RTRAF: variants seen among roughly 807,000 people sequenced by gnomAD.
The protein encoded by RTRAF is RNA transcription, translation and transport factor.
A neutral mutation model predicts 34.4 loss-of-function variants in RTRAF; 14 were observed. The ratio of observed to expected loss-of-function variants is 0.41; its 90% CI spans 0.27 to 0.64. RTRAF has a LOEUF of 0.64. Ranked by LOEUF, RTRAF falls within the 30% of genes least tolerant of loss-of-function variation. The probability of loss-of-function intolerance (pLI) is 0.34; values close to 1 mark genes in which losing one functional copy is unlikely to be tolerated. For synonymous variants in RTRAF, 96 were observed against 95.3 expected (o/e 1.01, Z -0.04); for missense variants, 291 against 288.4 (o/e 1.01, Z -0.06).
chr14:51,993,597 G>C, intron 2 of RTRAF, 126 bp from the exon 3 acceptor site: 1 of 619,868 alleles, frequency 1.6e-6, no homozygotes, highest in Non-Finnish European at 2.8e-6. Context: ...TGCATCAAAA[G>C]TGTAGTAATG....
chr14:52,003,663 C>CTGTT (rs147137125), intron 6 of RTRAF, among the ~76,000 whole-genome samples: 18 of 152,082 alleles, frequency 1.2e-4, no homozygotes, highest in East Asian at 5.8e-4. Context: ...TTTTCCTAGA[C>CTGTT]TGTTTGTTTC....
In RTRAF at chr14:52,008,165, A is replaced by T; in HGVS notation, c.*3649A>T. On this transcript the variant is annotated 3_prime_UTR_variant, in exon 8 of 8. Coordinates refer to ENST00000261700, the MANE Select transcript of RTRAF (RefSeq NM_016039.3). ...GAAGTGATAGGCTATCACTGCCGAT[A>T]TTCGGTCTCAAAAAACTGGTTTCTG... The T allele has an allele frequency of 2.2e-6, 1 of 464,658 alleles. No individual in the cohort carries two copies. Among genetic ancestry groups the T allele is most frequent in the Non-Finnish European group, 3.8e-6 (1 of 265,854 alleles). The allele number at this position is 464,658 out of a possible 1,614,324, so 28.8% of individuals were successfully genotyped here. A position where few individuals can be genotyped will look rare whatever the true frequency, so the allele number is the denominator to read the frequency against.
chr14:51,990,474 G>A (rs747304605), intron 1 of RTRAF, among the ~76,000 whole-genome samples: 1 of 152,206 alleles, frequency 6.6e-6, no homozygotes, highest in Non-Finnish European at 1.5e-5. Context: ...TCAGACCACT[G>A]TGTAATTCTC....
rs1287363411 is a variant in RTRAF at position 52,009,796 on chromosome 14, G to A, written c.*5280G>A. ...GGATCACCCAGGGTCAGGAGTTGGAGACCAAAATGGCGAAACCCTGTCTCG... is the reference window on the plus strand; with the variant it reads ...GGATCACCCAGGGTCAGGAGTTGGAAACCAAAATGGCGAAACCCTGTCTCG... On this transcript the variant is annotated 3_prime_UTR_variant, in exon 8 of 8. Transcript: ENST00000261700. The A allele has an allele frequency of 1.3e-5, 2 of 152,310 alleles. No homozygotes were observed. The highest frequency in any genetic ancestry group is 3.9e-4 in the East Asian group (2 of 5,176). 9.4% of individuals were successfully genotyped at this position (152,310 alleles called of 1,614,324 possible).
Position 52,007,954 on chromosome 14 carries a change from T to C in RTRAF, c.*3438T>C. On this transcript the variant is annotated 3_prime_UTR_variant, in exon 8 of 8. Coordinates refer to ENST00000261700, the MANE Select transcript of RTRAF (RefSeq NM_016039.3). ...TTAGGAGCTTCTCTATTCCAGTCTG[T>C]CCAGTACAAGTTGCTGTAAGTTAAA... 6.2e-7 allele frequency: 1 copy of C among 1,603,820 alleles called. No homozygotes were observed. Among genetic ancestry groups the C allele is most frequent in the African/African-American group, 1.3e-5 (1 of 74,214 alleles).
chr14:51,999,487 G>A (rs1890569504), intron 4 of RTRAF: 1 of 399,806 alleles, frequency 2.5e-6, no homozygotes, highest in Non-Finnish European at 4.5e-6. Flanking sequence ...CTAAGTTGGG[G>A]ACCGTCTCAT....
At chr14:51,999,604 T>A (rs769728826) in intron 4 of RTRAF, 104 bp from the exon 5 acceptor site, 11 of 692,758 alleles carry the variant, frequency 1.6e-5, no homozygotes, top group Non-Finnish European at 2.6e-5. Context: ...CTAAGAGATT[T>A]GTTGCTACCG....
In RTRAF at chr14:52,004,634, G is replaced by GTTCTAGAGATTT; in HGVS notation, c.*119_*130dup. 2 of 982,442 alleles carry GTTCTAGAGATTT rather than the reference G, an allele frequency of 2.0e-6. No homozygotes were observed. Among genetic ancestry groups the GTTCTAGAGATTT allele is most frequent in the Non-Finnish European group, 2.9e-6 (2 of 678,664 alleles). 60.9% of individuals were successfully genotyped at this position (982,442 alleles called of 1,614,324 possible). A position where few individuals can be genotyped will look rare whatever the true frequency, so the allele number is the denominator to read the frequency against. On this transcript the variant is annotated 3_prime_UTR_variant, in exon 8 of 8. Coordinates refer to ENST00000261700, the MANE Select transcript of RTRAF (RefSeq NM_016039.3). The stretch of plus-strand genomic sequence containing the variant: ...GGAGGAAGCCCAGAAAATTGGGTAT[G>GTTCTAGAGATTT]TTCTAGAGATTTACCACCATTGCTT...
At chr14:52,002,744 C>T (rs1228196717) in intron 6 of RTRAF, among the ~76,000 whole-genome samples, 1 of 152,198 alleles carries the variant, frequency 6.6e-6, no homozygotes, top group African/African-American at 2.4e-5. Flanking sequence ...TTGGGCACAA[C>T]TATGTTGTTT....
chr14:52,001,614 A>G (rs61971509), intron 5 of RTRAF, among the ~76,000 whole-genome samples, 184 bp from the exon 6 acceptor site: 15,199 of 152,256 alleles, frequency 0.1, 1,007 homozygotes, highest in Non-Finnish European at 0.15. Context: ...TTAAAATACT[A>G]GAAGTGTGAA....
chr14:51,991,029 C>G (rs2140326014), intron 1 of RTRAF, among the ~76,000 whole-genome samples: 1 of 152,220 alleles, frequency 6.6e-6, no homozygotes, highest in South Asian at 2.1e-4. Flanking sequence ...GAGGTAAGTT[C>G]TATTAGCACC....
At position 52,006,633 on chromosome 14, in the gene RTRAF, G is replaced by C; in HGVS notation, c.*2117G>C. On this transcript the variant is annotated 3_prime_UTR_variant, in exon 8 of 8. Coordinates refer to ENST00000261700, the MANE Select transcript of RTRAF (RefSeq NM_016039.3). ...AATGACACGCCGTCCAGTTCCATCAGGTAGTGTACACTCCAGTTTTTTGGT... is the reference window on the plus strand; with the variant it reads ...AATGACACGCCGTCCAGTTCCATCACGTAGTGTACACTCCAGTTTTTTGGT... The C allele has an allele frequency of 1.2e-6, 2 of 1,613,806 alleles. No homozygotes were observed. Among genetic ancestry groups the C allele is most frequent in the Non-Finnish European group, 1.7e-6 (2 of 1,179,738 alleles).
In RTRAF at chr14:52,006,179, CA is replaced by C; in HGVS notation, c.*1667del. The C allele has an allele frequency of 2.5e-6, 1 of 399,338 alleles. No homozygotes were observed. The highest frequency in any genetic ancestry group is 4.7e-6 in the Non-Finnish European group (1 of 214,206). The allele number at this position is 399,338 out of a possible 1,614,324, so 24.7% of individuals were successfully genotyped here. ...CCCTCAGACAATATGTCCACAGTGT[CA>C]AAAGCCAACTTAAGCCCTGTAATAT... On this transcript the variant is annotated 3_prime_UTR_variant, in exon 8 of 8. Transcript: ENST00000261700.
In RTRAF at chr14:52,005,366, T is replaced by G; in HGVS notation, c.*850T>G. ...TTTTTGCACTACAAAATGTTCATCT[T>G]GGATGCTCAGGAACGTCTAATGGCC... On this transcript the variant is annotated 3_prime_UTR_variant, in exon 8 of 8. Coordinates refer to ENST00000261700, the MANE Select transcript of RTRAF (RefSeq NM_016039.3). 3.3e-6 allele frequency: 3 copies of G among 914,472 alleles called. No homozygotes were observed. The highest frequency in any genetic ancestry group is 4.7e-6 in the Non-Finnish European group (3 of 640,384). 56.6% of individuals were successfully genotyped at this position (914,472 alleles called of 1,614,324 possible).
rs139112343 is a variant in RTRAF at position 51,993,183 on chromosome 14, A to T, written c.187-540A>T. Among the ~76,000 whole-genome samples the T allele has an allele frequency of 8.8e-3, 1,333 of 152,250 alleles. 17 individuals carry two copies. Among genetic ancestry groups the T allele is most frequent in the African/African-American group, 0.031 (1,280 of 41,540 alleles). ...TTCAAGTTGATTTTATTATAATCTT[A>T]TATTACATATAATTAATGTTACATA... On this transcript the variant is annotated intron_variant, in intron 2 of 7. Coordinates refer to ENST00000261700, the MANE Select transcript of RTRAF (RefSeq NM_016039.3).
Position 52,004,206 on chromosome 14 carries a change from G to T in RTRAF, c.544G>T (p.Ala182Ser). Residue 182 changes from alanine to serine, a missense_variant, in exon 7 of 8, where the codon GCT (alanine) becomes TCT (serine). By Grantham distance (99) the Ala-to-Ser change is moderately conservative. Coordinates refer to ENST00000261700, the MANE Select transcript of RTRAF (RefSeq NM_016039.3). Reference sequence around the variant, plus strand: ...TCTTTTTTTAAAGGGCTTACCTGTTGCTTTAGACAAACATATTCTTGGTTT... The same window carrying T: ...TCTTTTTTTAAAGGGCTTACCTGTTTCTTTAGACAAACATATTCTTGGTTT... ...ANQTKEGLPV[A>S]LDKHILGFDT... is the part of the protein sequence containing the mutation. 6.2e-7 allele frequency: 1 copy of T among 1,613,108 alleles called. No homozygotes were observed. Among genetic ancestry groups the T allele is most frequent in the African/African-American group, 1.3e-5 (1 of 74,968 alleles).
chr14:52,004,740 T>G lies in RTRAF; in HGVS notation c.*224T>G. 2.4e-6 allele frequency: 1 copy of G among 423,926 alleles called. No homozygotes were observed. 26.3% of individuals were successfully genotyped at this position (423,926 alleles called of 1,614,324 possible). A position where few individuals can be genotyped will look rare whatever the true frequency, so the allele number is the denominator to read the frequency against. On this transcript the variant is annotated 3_prime_UTR_variant, in exon 8 of 8. Coordinates refer to ENST00000261700, the MANE Select transcript of RTRAF (RefSeq NM_016039.3). ...TGTTTGCATAAATCACCTTTCTCCT[T>G]TGTGGTTAAGGCATATATGCCAACC...
chr14:51,991,695 T>G (rs1683898480), intron 2 of RTRAF, among the ~76,000 whole-genome samples: 1 of 152,224 alleles, frequency 6.6e-6, no homozygotes, highest in African/African-American at 2.4e-5. Flanking sequence ...CTTAAATAAA[T>G]AATGATGTAA....
chr14:51,995,130 C>G (rs1049960110), intron 3 of RTRAF, among the ~76,000 whole-genome samples: 1 of 152,096 alleles, frequency 6.6e-6, no homozygotes, highest in Admixed American at 6.6e-5. Context: ...TTGATTCCTA[C>G]ATGGTACCTC....
Sources: gnomAD v4.1 joint callset for allele counts (sites outside exome capture counted in the v4.1 genomes callset) on GRCh38, gnomAD v4.1.1 for gene constraint, MANE v1.5 for transcripts, NCBI Gene and HGNC (gene_info 2026-07-23, HGNC 2026-07-21) for gene names.